The following PPFIBP2 variants were observed in gnomAD, a reference collection of about 807,000 sequenced individuals.
PPFIBP2 encodes the protein PPFIB scaffold protein 2, also known as liprin-beta-2.
PPFIBP2 carries 118 observed loss-of-function variants against 118.3 expected under a neutral mutation model. The ratio of observed to expected loss-of-function variants is 1.00; its 90% CI spans 0.86 to 1.16. The LOEUF (loss-of-function observed/expected upper bound fraction) is 1.16. Ranked by LOEUF, PPFIBP2 falls within the 50% of genes most tolerant of loss-of-function variation. PPFIBP2 has a pLI of 0.00. For synonymous variants in PPFIBP2, 414 were observed against 397.4 expected (o/e 1.04, Z -0.50); for missense variants, 1,195 against 1,073.1 (o/e 1.11, Z -1.59).
intron 11 of PPFIBP2, chr11:7,631,230 A>G (rs1382463874): frequency 3.7e-6 from 2 of 537,526 alleles, no homozygotes; most frequent in Non-Finnish European, 6.7e-6. Context: ...TGGAGGCAGC[A>G]TGGTGGATAC....
At chr11:7,594,326 T>C (rs1384639066) in intron 4 of PPFIBP2, among the ~76,000 whole-genome samples, 1 of 152,306 alleles carries the variant, frequency 6.6e-6, no homozygotes, top group Non-Finnish European at 1.5e-5. Flanking sequence ...ATACCAAATA[T>C]ATAGTTTTAC....
chr11:7,607,275 A>C (rs11041477), intron 5 of PPFIBP2, among the ~76,000 whole-genome samples: 48,403 of 144,384 alleles, frequency 0.34, 9,341 homozygotes, highest in East Asian at 0.71. Flanking sequence ...TGGCATGATC[A>C]CAGCTCACTG....
intron 2 of PPFIBP2, among the ~76,000 whole-genome samples, chr11:7,557,138 C>CT (rs1184936767): frequency 6.6e-6 from 1 of 152,140 alleles, no homozygotes; most frequent in Non-Finnish European, 1.5e-5. Context: ...ACTTGTGTCT[C>CT]TGTTTGCAGC....
intron 1 of PPFIBP2, among the ~76,000 whole-genome samples, chr11:7,530,840 C>T (rs57868805): frequency 0.03 from 4,491 of 152,204 alleles, 207 homozygotes; most frequent in African/African-American, 0.1. Context: ...TATGGGGACC[C>T]AGCGTCTATA....
At chr11:7,643,344 C>T (rs1316542674) in intron 17 of PPFIBP2, among the ~76,000 whole-genome samples, 5 of 152,112 alleles carry the variant, frequency 3.3e-5, no homozygotes, top group Admixed American at 3.3e-4. Context: ...ATCATTGGGT[C>T]AGGGTATAAA....
chr11:7,599,629 CTT>C (rs372421700), intron 5 of PPFIBP2, among the ~76,000 whole-genome samples: 9,718 of 133,664 alleles, frequency 0.073, 485 homozygotes, highest in African/African-American at 0.15. Flanking sequence ...AACTCAATTA[CTT>C]TTTTTTTTTT....
At chr11:7,584,737 GTTTA>G (rs1050435855) in intron 3 of PPFIBP2, among the ~76,000 whole-genome samples, 1 of 152,080 alleles carries the variant, frequency 6.6e-6, no homozygotes, top group Non-Finnish European at 1.5e-5. Context: ...AATCATTTTT[GTTTA>G]TTTATTTATT....
At chr11:7,588,135 C>G (rs958838792) in intron 3 of PPFIBP2, among the ~76,000 whole-genome samples, 5 of 152,182 alleles carry the variant, frequency 3.3e-5, no homozygotes, top group African/African-American at 1.2e-4. Context: ...AACCAGCTCT[C>G]TGTGCATGAG....
In PPFIBP2 at chr11:7,634,989, G is replaced by A. The variant is rs181789870; in HGVS notation, c.1194+437G>A. ...ATGTGAATAAAGGAGATGATCCCAA[G>A]GAAAGATGTGGGATCGTCAGGATGT... On this transcript the variant is annotated intron_variant, in intron 13 of 23. Coordinates refer to ENST00000299492, the MANE Select transcript of PPFIBP2 (RefSeq NM_003621.5). Among the ~76,000 whole-genome samples the A allele has an allele frequency of 1.7e-3, 256 of 152,284 alleles. 10 individuals are homozygous for A. In the East Asian group the frequency reaches 0.033, roughly 20 times the overall value.
At chr11:7,666,399 T>TG in the PPFIBP2 span, 1 of 1,145,520 alleles carries the variant, frequency 8.7e-7, no homozygotes, top group Non-Finnish European at 1.3e-6. Flanking sequence ...GTCCTCAAAG[T>TG]GGTCAAGGGT....
Position 7,619,323 on chromosome 11 carries a change from C to A in PPFIBP2, c.619-1612C>A, listed in dbSNP as rs546166475. Among the ~76,000 whole-genome samples the A allele has an allele frequency of 2.6e-5, 4 of 152,196 alleles. No individual in the cohort carries two copies. In the South Asian group the frequency reaches 8.3e-4, roughly 32 times the overall value. ...ACCTGAAGGATGGGCAGGAGTTAAC[C>A]TGGCAGAAAATTCCAGACAGAGGGA... On this transcript the variant is annotated intron_variant, in intron 6 of 23. Coordinates refer to ENST00000299492, the MANE Select transcript of PPFIBP2 (RefSeq NM_003621.5).
At chr11:7,547,355 A>G (rs1385983656) in intron 1 of PPFIBP2, among the ~76,000 whole-genome samples, 2 of 152,278 alleles carry the variant, frequency 1.3e-5, no homozygotes, top group Middle Eastern at 3.4e-3. Flanking sequence ...AGCATGAGCC[A>G]TGTGGGGAGA....
intron 17 of PPFIBP2, among the ~76,000 whole-genome samples, chr11:7,645,619 G>T (rs1238552029): frequency 6.6e-6 from 1 of 152,304 alleles, no homozygotes; most frequent in East Asian, 1.9e-4. Context: ...TGAGGAGGAG[G>T]TGCAGAAGCT....
intron 6 of PPFIBP2, among the ~76,000 whole-genome samples, chr11:7,612,235 C>G (rs926367179): frequency 1.3e-5 from 2 of 152,220 alleles, no homozygotes; most frequent in African/African-American, 4.8e-5. Context: ...CAGGTGGTGA[C>G]AGAGATAGCC....
intron 2 of PPFIBP2, among the ~76,000 whole-genome samples, chr11:7,551,028 TATATCTATATCTATAGATATAG>T (rs1852917035): frequency 6.6e-6 from 1 of 152,036 alleles, no homozygotes; most frequent in Non-Finnish European, 1.5e-5. Context: ...AACTCCCCTT[TATATCTATATCTATAGATATAG>T]ATATCTATAG....
intron 2 of PPFIBP2, among the ~76,000 whole-genome samples, chr11:7,562,675 T>C (rs1353375975): frequency 1.3e-5 from 2 of 152,030 alleles, no homozygotes; most frequent in African/African-American, 2.4e-5. Context: ...CATTTTGTCA[T>C]TTACATCCCA....
At chr11:7,516,057 C>G (rs143658498) in intron 1 of PPFIBP2, among the ~76,000 whole-genome samples, 1 of 152,214 alleles carries the variant, frequency 6.6e-6, no homozygotes, top group African/African-American at 2.4e-5. Flanking sequence ...GCAAACCTGG[C>G]TATGCCTCAT....
At chr11:7,611,728 A>T (rs532148358) in intron 6 of PPFIBP2, among the ~76,000 whole-genome samples, 106 of 152,350 alleles carry the variant, frequency 7.0e-4, no homozygotes, top group Non-Finnish European at 1.2e-3. Flanking sequence ...AGTGAATGAG[A>T]CAATGTATGT....
At chr11:7,647,045 GATC>G (rs1174673541) in intron 17 of PPFIBP2, among the ~76,000 whole-genome samples, 2 of 152,196 alleles carry the variant, frequency 1.3e-5, no homozygotes, top group East Asian at 3.9e-4. Context: ...GATTATGATT[GATC>G]AGTCCCTGCC....
Sources: allele counts gnomAD v4.1 joint callset (sites outside exome capture counted in the v4.1 genomes callset), GRCh38; gene constraint gnomAD v4.1.1; transcripts MANE v1.5; gene names NCBI Gene and HGNC (gene_info 2026-07-23, HGNC 2026-07-21).